The following PHACTR1 variants were observed in gnomAD, a reference collection of about 807,000 sequenced individuals.
The protein encoded by PHACTR1 is RPEL repeat containing 1.
PHACTR1 carries 16 observed loss-of-function variants against 69.2 expected under a neutral mutation model. The ratio of observed to expected loss-of-function variants is 0.23; its 90% CI spans 0.16 to 0.35. The LOEUF (loss-of-function observed/expected upper bound fraction) is 0.35, where lower values mean the gene tolerates loss of function less well. PHACTR1 is among the 10% of genes least tolerant of loss of function. PHACTR1 has a pLI of 1.00. For missense variants in PHACTR1, 510 were observed against 734.7 expected (o/e 0.69, Z 3.54); for synonymous variants, 312 against 284.5 (o/e 1.10, Z -0.97).
chr6:12,986,522 A>G (rs1446321685), intron 4 of PHACTR1, among the ~76,000 whole-genome samples: 2 of 152,142 alleles, frequency 1.3e-5, no homozygotes, highest in African/African-American at 4.8e-5. Context: ...TCTTGCGTTC[A>G]TTATTCCCCC....
intron 4 of PHACTR1, among the ~76,000 whole-genome samples, chr6:13,033,729 G>A (rs1802820485): frequency 6.6e-6 from 1 of 152,182 alleles, no homozygotes; most frequent in Non-Finnish European, 1.5e-5. Context: ...AACTTTTATA[G>A]TATGAACTAT....
chr6:12,810,935 A>G (rs1774944406), intron 4 of PHACTR1, among the ~76,000 whole-genome samples: 1 of 152,222 alleles, frequency 6.6e-6, no homozygotes, highest in South Asian at 2.1e-4. Context: ...GGCAGGGCAC[A>G]CTTGGGGAGC....
At chr6:13,214,234 A>C (rs890377855) in intron 8 of PHACTR1, 2 of 146,648 alleles carry the variant, frequency 1.4e-5, no homozygotes, top group Admixed American at 6.8e-5. Context: ...AAAAAAAAGC[A>C]AGAAAAGAAA....
At chr6:12,830,843 G>A (rs568796862) in intron 4 of PHACTR1, among the ~76,000 whole-genome samples, 15 of 151,910 alleles carry the variant, frequency 9.9e-5, no homozygotes, top group South Asian at 4.2e-4. Flanking sequence ...TGATCCACCC[G>A]TCTCGGCCTC....
At chr6:12,961,492 G>T (rs78006908) in intron 4 of PHACTR1, among the ~76,000 whole-genome samples, 6,064 of 152,210 alleles carry the variant, frequency 0.04, 208 homozygotes, top group Admixed American at 0.061. Context: ...CTACCCTACT[G>T]TCAGGTTATT....
intron 8 of PHACTR1, among the ~76,000 whole-genome samples, chr6:13,208,565 A>G (rs1296756273): frequency 6.6e-6 from 1 of 152,052 alleles, no homozygotes; most frequent in East Asian, 1.9e-4. Context: ...CTCCAAGTCC[A>G]GAGATCTTTG....
intron 8 of PHACTR1, among the ~76,000 whole-genome samples, chr6:13,220,172 C>A (rs1271140059): frequency 1.3e-5 from 2 of 152,224 alleles, no homozygotes; most frequent in Admixed American, 1.3e-4. Context: ...TCATCCTGAG[C>A]TGTGGAACCC....
intron 4 of PHACTR1, among the ~76,000 whole-genome samples, chr6:12,999,457 G>A (rs1157088920): frequency 2.0e-5 from 3 of 152,084 alleles, no homozygotes; most frequent in South Asian, 2.1e-4. Context: ...AAAATTAGCC[G>A]GGCGTGGTGG....
At chr6:13,051,447 G>T (rs905330858) in intron 4 of PHACTR1, among the ~76,000 whole-genome samples, 4 of 152,144 alleles carry the variant, frequency 2.6e-5, no homozygotes, top group Non-Finnish European at 4.4e-5. Context: ...GAGCTTACAT[G>T]ATCTGGTTCC....
At chr6:12,754,376 G>A (rs1767031530) in intron 4 of PHACTR1, among the ~76,000 whole-genome samples, 1 of 152,120 alleles carries the variant, frequency 6.6e-6, no homozygotes, top group South Asian at 2.1e-4. Context: ...GAATGCCAGT[G>A]TGTTCCTCAC....
At chr6:12,873,550 G>A (rs1782267057) in intron 4 of PHACTR1, among the ~76,000 whole-genome samples, 1 of 152,090 alleles carries the variant, frequency 6.6e-6, no homozygotes, top group Admixed American at 6.6e-5. Flanking sequence ...TTCAATACAG[G>A]TAAGTATACG....
intron 12 of PHACTR1, among the ~76,000 whole-genome samples, chr6:13,282,333 G>T (rs1490446808): frequency 6.6e-6 from 1 of 152,254 alleles, no homozygotes; most frequent in African/African-American, 2.4e-5. Flanking sequence ...GTGACAGGAA[G>T]AGATAATAGA....
chr6:13,252,769 A>G (rs1774659420), intron 10 of PHACTR1, among the ~76,000 whole-genome samples: 1 of 152,190 alleles, frequency 6.6e-6, no homozygotes, highest in Non-Finnish European at 1.5e-5. Flanking sequence ...TTTGGGCTAC[A>G]AGGCTATTGG....
intron 6 of PHACTR1, among the ~76,000 whole-genome samples, chr6:13,164,739 C>G (rs1759539619): frequency 6.6e-6 from 1 of 152,212 alleles, no homozygotes; most frequent in Non-Finnish European, 1.5e-5. Context: ...GCAGAGTACA[C>G]ACAAAATTAA....
intron 4 of PHACTR1, among the ~76,000 whole-genome samples, chr6:13,048,236 G>T (rs935884888): frequency 6.6e-6 from 1 of 152,284 alleles, no homozygotes; most frequent in Admixed American, 6.5e-5. Flanking sequence ...GAGCTCAGCT[G>T]CCCAGCTTCC....
chr6:12,920,299 G>A (rs4714984), intron 4 of PHACTR1, among the ~76,000 whole-genome samples: 30 of 152,198 alleles, frequency 2.0e-4, no homozygotes, highest in South Asian at 4.1e-4. Flanking sequence ...TCATAAACCT[G>A]TGAAAATTTC....
chr6:13,162,963 G>A (rs1484856758), intron 6 of PHACTR1, among the ~76,000 whole-genome samples: 4 of 152,126 alleles, frequency 2.6e-5, no homozygotes, highest in Non-Finnish European at 5.9e-5. Flanking sequence ...AAGTGGCTGC[G>A]GGCCGGGCTC....
intron 7 of PHACTR1, chr6:13,185,106 G>A (rs933820984): frequency 1.1e-6 from 1 of 948,138 alleles, no homozygotes; most frequent in Non-Finnish European, 1.4e-6. Context: ...CAGCTCTCTG[G>A]GGAGGTTGCC....
At position 13,150,849 on chromosome 6, in the gene PHACTR1, CATAA is replaced by C. The variant is rs199817405; in HGVS notation, c.416-9352_416-9349del. Among the ~76,000 whole-genome samples, 1,098 of 152,272 alleles carry C rather than the reference CATAA, an allele frequency of 7.2e-3. 6 individuals carry two copies. The highest frequency in any genetic ancestry group is 0.031 in the Middle Eastern group (9 of 294). On this transcript the variant is annotated intron_variant, in intron 5 of 14. Transcript: ENST00000332995. ...AGAAAGCATTTTTCTCTAGAGATAG[CATAA>C]ATGTGGATTGATTGTTTCATTTGGA...
Sources: gnomAD v4.1 joint callset for allele counts (sites outside exome capture counted in the v4.1 genomes callset) on GRCh38, gnomAD v4.1.1 for gene constraint, MANE v1.5 for transcripts, NCBI Gene and HGNC (gene_info 2026-07-23, HGNC 2026-07-21) for gene names.